Variants in NRP2 observed in about 807,000 individuals in gnomAD.
NRP2 encodes neuropilin 2, also known as neuropilin-2.
Under a neutral mutation model 110.4 loss-of-function variants are expected in NRP2, and 52 were observed. The observed-to-expected ratio is 0.47, with a 90% confidence interval of 0.38 to 0.59. The LOEUF is 0.59. Ranked by LOEUF, NRP2 falls within the 20% of genes least tolerant of loss-of-function variation. The probability of loss-of-function intolerance (pLI) is 0.00; values close to 1 mark genes in which losing one functional copy is unlikely to be tolerated. For missense variants in NRP2, 1,049 were observed against 1,203.0 expected (o/e 0.87, Z 1.89); for synonymous variants, 508 against 468.9 (o/e 1.08, Z -1.08).
chr2:205,769,311 C>A (rs1337662979), intron 15 of NRP2, among the ~76,000 whole-genome samples: 1 of 152,118 alleles, frequency 6.6e-6, no homozygotes, highest in Non-Finnish European at 1.5e-5. Context: ...TCTTTGGGAG[C>A]AATCACTGTA....
chr2:205,699,790 A>C (rs1044014652), intron 2 of NRP2, among the ~76,000 whole-genome samples: 2 of 152,124 alleles, frequency 1.3e-5, no homozygotes, highest in Non-Finnish European at 2.9e-5. Flanking sequence ...TTTTCTCCCC[A>C]TTCCATGACC....
intron 12 of NRP2, among the ~76,000 whole-genome samples, chr2:205,753,687 G>A (rs1437818793): frequency 1.3e-5 from 2 of 152,212 alleles, no homozygotes; most frequent in Non-Finnish European, 2.9e-5. Context: ...ACAGCAGTAT[G>A]ATGGTAAATG....
chr2:205,759,529 C>T (rs1314675863), intron 12 of NRP2: 1 of 152,182 alleles, frequency 6.6e-6, no homozygotes, highest in East Asian at 1.9e-4. Flanking sequence ...TGAGGTCCCA[C>T]TCTTGTTCCA....
chr2:205,770,372 A>G (rs2058002153), intron 15 of NRP2, among the ~76,000 whole-genome samples: 1 of 152,192 alleles, frequency 6.6e-6, no homozygotes, highest in African/African-American at 2.4e-5. Context: ...AGAGGGGAGC[A>G]GTATTAAGAG....
At chr2:205,687,559 C>G (rs573919419) in intron 1 of NRP2, among the ~76,000 whole-genome samples, 2 of 152,354 alleles carry the variant, frequency 1.3e-5, no homozygotes, top group East Asian at 3.9e-4. Context: ...GGCCCCTACT[C>G]GTCCAAGCGG....
intron 3 of NRP2, among the ~76,000 whole-genome samples, chr2:205,718,616 G>A (rs2056948908): frequency 6.6e-6 from 1 of 152,218 alleles, no homozygotes; most frequent in Non-Finnish European, 1.5e-5. Context: ...ATACCCACCT[G>A]CTGCTGGAAG....
intron 6 of NRP2, among the ~76,000 whole-genome samples, 178 bp from the exon 7 acceptor site, chr2:205,727,713 G>A (rs1346532382): frequency 6.6e-6 from 1 of 152,320 alleles, no homozygotes; most frequent in East Asian, 1.9e-4. Flanking sequence ...TTTAGTGTAA[G>A]ATAATGTGAG....
intron 12 of NRP2, among the ~76,000 whole-genome samples, chr2:205,761,073 A>AT (rs2057813287): frequency 6.6e-6 from 1 of 152,180 alleles, no homozygotes; most frequent in Non-Finnish European, 1.5e-5. Context: ...CCACCTTGTC[A>AT]TTACTGGTGC....
chr2:205,784,978 CT>C (rs2105964342), intron 15 of NRP2, among the ~76,000 whole-genome samples: 2 of 152,316 alleles, frequency 1.3e-5, no homozygotes, highest in South Asian at 4.2e-4. Context: ...GAAATCATCT[CT>C]TGAATGGGCA....
chr2:205,739,549 T>G (rs1699839156), intron 7 of NRP2, among the ~76,000 whole-genome samples: 1 of 152,146 alleles, frequency 6.6e-6, no homozygotes, highest in African/African-American at 2.4e-5. Flanking sequence ...TGGCTGTAAG[T>G]AGATTTACAG....
chr2:205,734,967 G>A (rs2057316440), intron 7 of NRP2, among the ~76,000 whole-genome samples: 1 of 152,174 alleles, frequency 6.6e-6, no homozygotes, highest in African/African-American at 2.4e-5. Context: ...AGATGGGAGT[G>A]TGCAAGCTGA....
At chr2:205,780,194 C>T (rs967086046) in intron 15 of NRP2, among the ~76,000 whole-genome samples, 3 of 152,180 alleles carry the variant, frequency 2.0e-5, no homozygotes, top group Admixed American at 6.5e-5. Context: ...CTCCCATTTA[C>T]GAGCGCTTTC....
At chr2:205,719,266 T>A (rs1349993163) in intron 3 of NRP2, among the ~76,000 whole-genome samples, 1 of 152,148 alleles carries the variant, frequency 6.6e-6, no homozygotes, top group Non-Finnish European at 1.5e-5. Context: ...CGATGGTACA[T>A]TACCCTGGTG....
At chr2:205,700,748 T>G (rs761450734) in intron 2 of NRP2, 7 of 518,908 alleles carry the variant, frequency 1.3e-5, no homozygotes, top group South Asian at 8.4e-5. Context: ...AGCCGCAGCT[T>G]TGCCTGACTC....
chr2:205,729,423 C>A (rs986886281), intron 7 of NRP2, among the ~76,000 whole-genome samples: 1 of 152,228 alleles, frequency 6.6e-6, no homozygotes, highest in African/African-American at 2.4e-5. Flanking sequence ...GTTGGGAATG[C>A]CCAGCCTGAA....
chr2:205,792,579 A>T (rs17478441), intron 16 of NRP2, among the ~76,000 whole-genome samples: 4,070 of 152,320 alleles, frequency 0.027, 61 homozygotes, highest in Middle Eastern at 0.068. Context: ...CAAGTGAAAG[A>T]TCAGCTCCTC....
chr2:205,761,115 G>A (rs1040584345), intron 12 of NRP2, among the ~76,000 whole-genome samples: 1 of 152,324 alleles, frequency 6.6e-6, no homozygotes, highest in Admixed American at 6.5e-5. Context: ...GTTGGCTTGG[G>A]AGGGTAGAGG....
At chr2:205,766,732 C>G (rs755163369) in intron 14 of NRP2, 51 bp from the exon 15 acceptor site, 4 of 1,514,674 alleles carry the variant, frequency 2.6e-6, no homozygotes, top group Non-Finnish European at 3.7e-6. Flanking sequence ...TATGTTCACC[C>G]AATTGTTTCT....
intron 12 of NRP2, 97 bp downstream of exon 12, chr2:205,753,072 C>T (rs1364173255): frequency 1.4e-5 from 21 of 1,477,724 alleles, no homozygotes; most frequent in South Asian, 2.3e-5. Flanking sequence ...AACTTCCCAC[C>T]GCACAGCAAT....
Sources: gnomAD v4.1 joint callset for allele counts (sites outside exome capture counted in the v4.1 genomes callset) on GRCh38, gnomAD v4.1.1 for gene constraint, MANE v1.5 for transcripts, NCBI Gene and HGNC (gene_info 2026-07-23, HGNC 2026-07-21) for gene names.